Variants in CDH18 observed in about 807,000 individuals in gnomAD.
CDH18 encodes cadherin 18, also known as cadherin-18.
Under a neutral mutation model 67.9 loss-of-function variants are expected in CDH18, and 31 were observed. That is an observed-to-expected ratio of 0.46 (90% CI 0.34 to 0.62). The LOEUF is 0.62. CDH18 is among the 20% of genes least tolerant of loss of function. The pLI, the probability that CDH18 is intolerant of heterozygous loss-of-function variation, is 0.01. For synonymous variants in CDH18, 362 were observed against 347.2 expected (o/e 1.04, Z -0.48); for missense variants, 890 against 975.5 (o/e 0.91, Z 1.17).
intron 7 of CDH18, among the ~76,000 whole-genome samples, chr5:19,572,224 G>A (rs1741552809): frequency 1.3e-5 from 2 of 152,132 alleles, no homozygotes; most frequent in Admixed American, 6.5e-5. Context: ...TAAGATGAAC[G>A]GATGTAGTTT....
At chr5:20,407,217 G>A (rs1039020377) in intron 1 of CDH18, among the ~76,000 whole-genome samples, 1 of 152,156 alleles carries the variant, frequency 6.6e-6, no homozygotes, top group Non-Finnish European at 1.5e-5. Context: ...CCAGGGGAGG[G>A]AAAGATTTGG....
At chr5:19,921,342 T>G (rs191098058) in intron 2 of CDH18, among the ~76,000 whole-genome samples, 1 of 151,986 alleles carries the variant, frequency 6.6e-6, no homozygotes, top group South Asian at 2.1e-4. Context: ...CTATCCTGGC[T>G]AACACAGTGA....
At chr5:20,174,945 A>G (rs1449857551) in intron 2 of CDH18, among the ~76,000 whole-genome samples, 3 of 152,174 alleles carry the variant, frequency 2.0e-5, no homozygotes, top group Non-Finnish European at 4.4e-5. Context: ...TTCTATTTTT[A>G]TACACCGTGA....
At chr5:20,207,639 A>C (rs1221190926) in intron 2 of CDH18, among the ~76,000 whole-genome samples, 3 of 152,018 alleles carry the variant, frequency 2.0e-5, no homozygotes, top group Non-Finnish European at 4.4e-5. Flanking sequence ...TGAGAACAGC[A>C]GGGGAAAGAC....
At chr5:19,541,093 A>G (rs1166514376) in intron 9 of CDH18, among the ~76,000 whole-genome samples, 1 of 152,146 alleles carries the variant, frequency 6.6e-6, no homozygotes, top group Non-Finnish European at 1.5e-5. Flanking sequence ...TCTCCAGTTC[A>G]AAGTTCCACA....
At chr5:20,229,840 C>A (rs1167149327) in intron 2 of CDH18, among the ~76,000 whole-genome samples, 3 of 151,996 alleles carry the variant, frequency 2.0e-5, no homozygotes, top group East Asian at 3.9e-4. Context: ...CATAGTGTCC[C>A]AGATTCTGTT....
chr5:20,123,200 C>G (rs1463194845), intron 2 of CDH18, among the ~76,000 whole-genome samples: 1 of 152,004 alleles, frequency 6.6e-6, no homozygotes, highest in Non-Finnish European at 1.5e-5. Flanking sequence ...CATACGTGAT[C>G]TGGAAAAGAG....
chr5:19,811,161 GGAGAGAAAGAA>G lies in CDH18; in HGVS notation c.228+27587_228+27597del, dbSNP rs1561352068. ...AAGAAAGAAAGAAAGAAAGAAAGAAGGAGAGAAAGAAAGAGAAGAAAGAGGGAGAGAAAGAA... is the reference window on the plus strand; with the variant it reads ...AAGAAAGAAAGAAAGAAAGAAAGAAGAGAGAAGAAAGAGGGAGAGAAAGAA... On this transcript the variant is annotated intron_variant, in intron 3 of 12. Transcript: ENST00000382275. Among the ~76,000 whole-genome samples, 69 of 27,604 alleles carry G rather than the reference GGAGAGAAAGAA, an allele frequency of 2.5e-3. 3 individuals are homozygous for G. The highest frequency in any genetic ancestry group is 2.8e-3 in the Non-Finnish European group (40 of 14,212). The allele number at this position is 27,604 out of a possible 152,430, so 18.1% of individuals were successfully genotyped here. A position where few individuals can be genotyped will look rare whatever the true frequency, so the allele number is the denominator to read the frequency against.
intron 1 of CDH18, among the ~76,000 whole-genome samples, chr5:20,404,476 A>G (rs1443092389): frequency 6.6e-6 from 1 of 152,096 alleles, no homozygotes; most frequent in African/African-American, 2.4e-5. Context: ...CTTAGAGGCC[A>G]TTACACAATT....
At chr5:20,309,919 C>A (rs1270067598) in intron 1 of CDH18, among the ~76,000 whole-genome samples, 1 of 152,076 alleles carries the variant, frequency 6.6e-6, no homozygotes, top group African/African-American at 2.4e-5. Context: ...AAAAATGTTT[C>A]TTTTGTTTCA....
intron 2 of CDH18, among the ~76,000 whole-genome samples, chr5:19,906,225 C>G (rs2150126031): frequency 6.6e-6 from 1 of 151,922 alleles, no homozygotes; most frequent in East Asian, 1.9e-4. Flanking sequence ...GAAATGCAAT[C>G]CATAGACATT....
chr5:20,107,761 T>A (rs1561796074), intron 2 of CDH18, among the ~76,000 whole-genome samples: 1 of 152,108 alleles, frequency 6.6e-6, no homozygotes, highest in Non-Finnish European at 1.5e-5. Flanking sequence ...CACTTCTTTT[T>A]TTTTTATTTT....
At chr5:20,405,345 C>T (rs1026837050) in intron 1 of CDH18, among the ~76,000 whole-genome samples, 2 of 152,132 alleles carry the variant, frequency 1.3e-5, no homozygotes, top group Admixed American at 6.6e-5. Context: ...GAGAGGATTC[C>T]CTATTTAATA....
intron 5 of CDH18, among the ~76,000 whole-genome samples, chr5:19,716,368 T>A (rs1439527218): frequency 1.8e-4 from 27 of 152,000 alleles, no homozygotes; most frequent in Admixed American, 1.7e-3. Context: ...TCAGAAAAAA[T>A]ATTTATAATT....
chr5:19,912,652 C>T (rs1791283508), intron 2 of CDH18, among the ~76,000 whole-genome samples: 1 of 152,046 alleles, frequency 6.6e-6, no homozygotes, highest in African/African-American at 2.4e-5. Context: ...TCATAGGCAA[C>T]TGATGCTATG....
chr5:20,189,660 C>G (rs1738384088), intron 2 of CDH18, among the ~76,000 whole-genome samples: 1 of 152,070 alleles, frequency 6.6e-6, no homozygotes, highest in Admixed American at 6.6e-5. Flanking sequence ...GAGGCAGAAC[C>G]AAGGAAGATT....
rs551406607 is a variant in CDH18 at position 20,563,799 on chromosome 5, A to G, written c.-580+11663T>C. ...TAGGTAACTCATTTATTTACATTAC[A>G]TCTAGTACCATAGTAGTCACAAAAG... On this transcript the variant is annotated intron_variant, in intron 1 of 14. Transcript: ENST00000507958. 2.6e-5 allele frequency among the ~76,000 whole-genome samples: 4 copies of G among 152,242 alleles called. No individual in the cohort carries two copies. The South Asian group carries it at 6.2e-4, about 24-fold the overall frequency.
At chr5:19,635,273 G>A (rs911266965) in intron 5 of CDH18, among the ~76,000 whole-genome samples, 2 of 152,136 alleles carry the variant, frequency 1.3e-5, no homozygotes, top group African/African-American at 2.4e-5. Flanking sequence ...GCCTGTAGGA[G>A]TACTTTATAT....
chr5:20,468,987 A>T (rs1253400158), intron 1 of CDH18, among the ~76,000 whole-genome samples: 1 of 152,166 alleles, frequency 6.6e-6, no homozygotes, highest in Non-Finnish European at 1.5e-5. Context: ...ACATTATTTC[A>T]CTGCACTACC....
Sources: gnomAD v4.1 joint callset for allele counts (sites outside exome capture counted in the v4.1 genomes callset) on GRCh38, gnomAD v4.1.1 for gene constraint, MANE v1.5 for transcripts, NCBI Gene and HGNC (gene_info 2026-07-23, HGNC 2026-07-21) for gene names.